IGSF21: variants seen among roughly 807,000 people sequenced by gnomAD.
IGSF21 encodes immunoglobulin superfamily member 21.
Under a neutral mutation model 46.8 loss-of-function variants are expected in IGSF21, and 28 were observed. The ratio of observed to expected loss-of-function variants is 0.60; its 90% confidence interval spans 0.44 to 0.82. The LOEUF (loss-of-function observed/expected upper bound fraction) is 0.82, where lower values mean the gene tolerates loss of function less well. Among genes scored for constraint, IGSF21 ranks in the 40% least tolerant of loss-of-function variants. The probability of loss-of-function intolerance (pLI) is 0.00; values close to 1 mark genes in which losing one functional copy is unlikely to be tolerated. For synonymous variants in IGSF21, 284 were observed against 273.6 expected (o/e 1.04, Z -0.38); for missense variants, 624 against 665.5 (o/e 0.94, Z 0.69).
intron 2 of IGSF21, among the ~76,000 whole-genome samples, chr1:18,273,099 G>T (rs2085059363): frequency 7.0e-6 from 1 of 143,208 alleles, no homozygotes; most frequent in African/African-American, 2.6e-5. Context: ...AGGCTGGAGT[G>T]CAGTGGCATG....
intron 3 of IGSF21, among the ~76,000 whole-genome samples, chr1:18,326,177 G>C (rs1330881826): frequency 6.6e-6 from 1 of 152,236 alleles, no homozygotes; most frequent in Non-Finnish European, 1.5e-5. Flanking sequence ...TCCAGGTGGA[G>C]CAGGCATTCT....
intron 1 of IGSF21, among the ~76,000 whole-genome samples, chr1:18,187,234 GA>G (rs2086912306): frequency 6.6e-6 from 1 of 152,022 alleles, no homozygotes; most frequent in Non-Finnish European, 1.5e-5. Flanking sequence ...GAGAGAGAGA[GA>G]GAGAGAGAAA....
At chr1:18,305,154 G>T (rs1266711209) in intron 3 of IGSF21, among the ~76,000 whole-genome samples, 2 of 151,994 alleles carry the variant, frequency 1.3e-5, no homozygotes, top group African/African-American at 2.4e-5. Context: ...TGAGGTCACA[G>T]TAAGCACTCA....
At chr1:18,252,960 T>C (rs1309857169) in intron 2 of IGSF21, among the ~76,000 whole-genome samples, 1 of 152,150 alleles carries the variant, frequency 6.6e-6, no homozygotes, top group Non-Finnish European at 1.5e-5. Context: ...GCTTGATACC[T>C]AGAAGATCCT....
chr1:18,281,043 C>G (rs1213486895), intron 2 of IGSF21, among the ~76,000 whole-genome samples: 1 of 129,498 alleles, frequency 7.7e-6, no homozygotes, highest in Non-Finnish European at 1.7e-5. Context: ...TCCACCTCAC[C>G]CATTCTGTGA....
intron 1 of IGSF21, among the ~76,000 whole-genome samples, chr1:18,217,726 T>C (rs1369011154): frequency 1.3e-5 from 2 of 152,098 alleles, no homozygotes; most frequent in Non-Finnish European, 2.9e-5. Context: ...GCTTCTCCAT[T>C]TAGAAGCAAG....
intron 1 of IGSF21, among the ~76,000 whole-genome samples, chr1:18,160,054 G>T (rs2086603597): frequency 6.6e-6 from 1 of 152,154 alleles, no homozygotes; most frequent in South Asian, 2.1e-4. Context: ...TCTTGACGTG[G>T]TCCAGGTCCT....
In IGSF21 at chr1:18,157,730, A is replaced by G. The variant is rs147711633; in HGVS notation, c.70+49532A>G. On this transcript the variant is annotated intron_variant, in intron 1 of 9. Coordinates refer to ENST00000251296, the MANE Select transcript of IGSF21 (RefSeq NM_032880.5). ...GGAAATTGCAATTAAGAGAGGTTAA[A>G]TAACTTTCCCAGGGTCACATATTTG... Among the ~76,000 whole-genome samples the G allele has an allele frequency of 5.7e-3, 874 of 152,248 alleles. 13 individuals are homozygous for G. Among genetic ancestry groups the G allele is most frequent in the African/African-American group, 0.02 (828 of 41,542 alleles).
At chr1:18,208,075 C>T (rs1306054848) in intron 1 of IGSF21, among the ~76,000 whole-genome samples, 2 of 151,962 alleles carry the variant, frequency 1.3e-5, no homozygotes, top group African/African-American at 4.8e-5. Flanking sequence ...AAATGCATAT[C>T]ATTGGCCAAC....
intron 2 of IGSF21, among the ~76,000 whole-genome samples, chr1:18,285,667 A>T (rs940513959): frequency 1.3e-5 from 2 of 152,114 alleles, no homozygotes. Flanking sequence ...CCTGGCTGAG[A>T]TGCTCTCAGC....
chr1:18,255,364 G>A (rs1168299279), intron 2 of IGSF21, among the ~76,000 whole-genome samples: 1 of 152,156 alleles, frequency 6.6e-6, no homozygotes, highest in East Asian at 1.9e-4. Flanking sequence ...TATTGCCCAT[G>A]GTCTTGTGCA....
At chr1:18,240,421 G>A (rs986380111) in intron 2 of IGSF21, among the ~76,000 whole-genome samples, 4 of 152,338 alleles carry the variant, frequency 2.6e-5, no homozygotes, top group Admixed American at 6.5e-5. Flanking sequence ...TGTGGTCACC[G>A]CTTTGACAGA....
chr1:18,323,750 C>T (rs2085629001), intron 3 of IGSF21, among the ~76,000 whole-genome samples: 1 of 152,078 alleles, frequency 6.6e-6, no homozygotes, highest in South Asian at 2.1e-4. Flanking sequence ...CCTAGCCAGC[C>T]CTGCATTCCA....
intron 3 of IGSF21, among the ~76,000 whole-genome samples, chr1:18,327,766 T>A (rs2085671850): frequency 6.6e-6 from 1 of 152,156 alleles, no homozygotes; most frequent in African/African-American, 2.4e-5. Context: ...CACAAGGAGC[T>A]TTTTGGGAGA....
intron 2 of IGSF21, among the ~76,000 whole-genome samples, chr1:18,248,545 C>T (rs2084805731): frequency 6.9e-6 from 1 of 145,670 alleles, no homozygotes; most frequent in African/African-American, 2.6e-5. Context: ...AGACAGTCTC[C>T]TTCTTGGGGC....
intron 4 of IGSF21, among the ~76,000 whole-genome samples, chr1:18,355,766 A>G (rs1258829498): frequency 6.6e-6 from 1 of 151,068 alleles, no homozygotes; most frequent in Non-Finnish European, 1.5e-5. Flanking sequence ...CTGGTGTTAC[A>G]CAAGTGGAAT....
intron 3 of IGSF21, among the ~76,000 whole-genome samples, chr1:18,323,303 C>T (rs1037969442): frequency 1.3e-5 from 2 of 152,152 alleles, no homozygotes; most frequent in Non-Finnish European, 2.9e-5. Context: ...CACCCAGGGC[C>T]TCAGGACAAA....
chr1:18,225,081 TCTCTCACACACA>T (rs1165453053), intron 1 of IGSF21, among the ~76,000 whole-genome samples: 15 of 31,118 alleles, frequency 4.8e-4, no homozygotes, highest in South Asian at 1.6e-3. Flanking sequence ...TCTCTCTCTC[TCTCTCACACACA>T]CACACACACA....
At position 18,334,963 on chromosome 1, in the gene IGSF21, G is replaced by C. The variant is rs748405907; in HGVS notation, c.377G>C (p.Arg126Thr). The C allele has an allele frequency of 7.4e-6, 12 of 1,614,184 alleles. No homozygotes were observed. In the South Asian group the frequency reaches 1.3e-4, roughly 18 times the overall value. ...GTGGGCATCTACGACCGCGCCACCA[G>C]GGAGAAGGTGGTCCTGGCATCAGGC... ...CHVGIYDRAT[R>T]EKVVLASGNI... is the part of the protein sequence containing the mutation. The change falls in exon 4 of 10, where the codon AGG (arginine) becomes ACG (threonine). Residue 126 changes from arginine to threonine, a missense_variant. Transcript: ENST00000251296. The surrounding 1 kb of genome is among the most constrained non-coding windows in gnomAD (Gnocchi z 4.3).
Sources: allele counts gnomAD v4.1 joint callset (sites outside exome capture counted in the v4.1 genomes callset), GRCh38; gene constraint gnomAD v4.1.1; non-coding constraint Gnocchi (gnomAD v3.1); transcripts MANE v1.5; gene names NCBI Gene and HGNC (gene_info 2026-07-23, HGNC 2026-07-21).